The following SCN2A variants were observed in gnomAD, a reference collection of about 807,000 sequenced individuals.
The protein encoded by SCN2A is sodium channel protein type 2 subunit alpha.
Under a neutral mutation model 188.7 loss-of-function variants are expected in SCN2A, and 20 were observed. The observed-to-expected ratio is 0.11, with a 90% CI of 0.07 to 0.15. The LOEUF is 0.15. Ranked by LOEUF, SCN2A falls within the 10% of genes least tolerant of loss-of-function variation. SCN2A has a pLI of 1.00. For missense variants in SCN2A, 1,278 were observed against 2,445.0 expected (o/e 0.52, Z 10.07); for synonymous variants, 804 against 833.1 (o/e 0.97, Z 0.60).
At chr2:165,351,887 T>A (rs1006793456) in intron 16 of SCN2A, among the ~76,000 whole-genome samples, 9 of 151,346 alleles carry the variant, frequency 5.9e-5, no homozygotes, top group Non-Finnish European at 1.2e-4. Flanking sequence ...TTTTTTTTTT[T>A]AAAGAATCCA....
At chr2:165,310,203 C>T in intron 6 of SCN2A, 120 bp from the exon 7 acceptor site, 2 of 1,078,798 alleles carry the variant, frequency 1.9e-6, no homozygotes, top group Non-Finnish European at 2.9e-6. Flanking sequence ...AAACATTAAA[C>T]TAATATTGTT....
chr2:165,327,109 A>G, intron 13 of SCN2A, 125 bp downstream of exon 13: 1 of 1,255,308 alleles, frequency 8.0e-7, no homozygotes, highest in Admixed American at 1.8e-5. Context: ...TTACTAAATA[A>G]CAGTAAAATC....
At chr2:165,311,084 A>C (rs2105249025) in intron 7 of SCN2A, among the ~76,000 whole-genome samples, 1 of 152,220 alleles carries the variant, frequency 6.6e-6, no homozygotes, top group Non-Finnish European at 1.5e-5. Flanking sequence ...CAGAAGGTTA[A>C]GTAACCCTGA....
At chr2:165,245,212 T>C (rs1693791984) in intron 1 of SCN2A, 1 of 152,172 alleles carries the variant, frequency 6.6e-6, no homozygotes, top group South Asian at 2.1e-4. Flanking sequence ...GTAGTTCCCA[T>C]AATCTCCACG....
intron 13 of SCN2A, among the ~76,000 whole-genome samples, chr2:165,329,486 T>C (rs1034522230): frequency 6.6e-6 from 1 of 152,170 alleles, no homozygotes; most frequent in Non-Finnish European, 1.5e-5. Context: ...CCCCCTTTTT[T>C]TTGGAATGAA....
Position 165,354,203 on chromosome 2 carries a change from C to G in SCN2A, c.2931C>G (p.Leu977=). The G allele has an allele frequency of 6.2e-7, 1 of 1,613,806 alleles. No individual in the cohort carries two copies. The highest frequency in any genetic ancestry group is 8.5e-7 in the Non-Finnish European group (1 of 1,179,978). ...CTGCTGTGTTTCAGGTTCTGAACCT[C>G]TTCTTGGCCTTGCTTTTGAGTTCCT... ...MVIGNLVVLN[L]FLALLLSSFS... The change falls in exon 17 of 27, where the codon CTC becomes CTG. Residue 977 remains leucine (L), a synonymous_variant. Coordinates refer to ENST00000375437, the MANE Select transcript of SCN2A (RefSeq NM_001040142.2).
chr2:165,342,217 G>T, intron 14 of SCN2A, 79 bp from the exon 15 acceptor site: 1 of 1,313,698 alleles, frequency 7.6e-7, no homozygotes, highest in Non-Finnish European at 1.1e-6. Flanking sequence ...TATATTTGTT[G>T]GGAGTAAATT....
chr2:165,387,668 TTATG>T (rs1470315857), intron 26 of SCN2A, among the ~76,000 whole-genome samples: 12 of 152,172 alleles, frequency 7.9e-5, no homozygotes, highest in Admixed American at 6.5e-4. Context: ...TATACAGTGT[TTATG>T]TATAAGATAT....
At chr2:165,273,676 C>A (rs1695200678) in intron 1 of SCN2A, 1 of 151,998 alleles carries the variant, frequency 6.6e-6, no homozygotes, top group Non-Finnish European at 1.5e-5. Context: ...TTGAACTTTT[C>A]AAAAAATGTA....
At chr2:165,311,948 C>A in intron 7 of SCN2A, 77 bp from the exon 8 acceptor site, 1 of 924,836 alleles carries the variant, frequency 1.1e-6, no homozygotes, top group Non-Finnish European at 1.8e-6. Flanking sequence ...CATTTGTGAG[C>A]TTTGCCACCT....
intron 3 of SCN2A, among the ~76,000 whole-genome samples, chr2:165,307,128 C>A (rs1697179970): frequency 6.6e-6 from 1 of 151,982 alleles, no homozygotes; most frequent in South Asian, 2.1e-4. Flanking sequence ...TCTGTATGAT[C>A]CAGGAAGCAA....
At chr2:165,273,579 C>G (rs990845964) in intron 1 of SCN2A, 7 of 152,208 alleles carry the variant, frequency 4.6e-5, no homozygotes, top group Middle Eastern at 3.4e-3. Flanking sequence ...AAACCATTCT[C>G]TCTCTCTCCC....
In SCN2A at chr2:165,329,606, T is replaced by TG. The variant is rs1191679001; in HGVS notation, c.2150-1724_2150-1723insG. On this transcript the variant is annotated intron_variant, in intron 13 of 26. Coordinates refer to ENST00000375437, the MANE Select transcript of SCN2A (RefSeq NM_001040142.2). ...ATTTTTTAAACTTTTCTCCAGTTTA[T>TG]TTTTTTTCTATCCAGTTCCTGTTTG... Among the ~76,000 whole-genome samples the TG allele has an allele frequency of 2.0e-5, 3 of 152,218 alleles. No individual in the cohort carries two copies. In the South Asian group the frequency reaches 6.2e-4, roughly 32 times the overall value.
chr2:165,340,038 G>A (rs1699223996), intron 14 of SCN2A, among the ~76,000 whole-genome samples: 1 of 152,110 alleles, frequency 6.6e-6, no homozygotes, highest in Non-Finnish European at 1.5e-5. Context: ...AAAGGAAATA[G>A]AAGAAAGGAA....
chr2:165,252,870 G>C (rs1425268735), intron 1 of SCN2A, among the ~76,000 whole-genome samples: 1 of 151,960 alleles, frequency 6.6e-6, no homozygotes, highest in Non-Finnish European at 1.5e-5. Context: ...GGGGGGGTGT[G>C]GCTGCTTCAT....
At chr2:165,252,861 G>C (rs924014737) in intron 1 of SCN2A, among the ~76,000 whole-genome samples, 2 of 151,970 alleles carry the variant, frequency 1.3e-5, no homozygotes, top group East Asian at 1.9e-4. Context: ...GTAAGGGGAG[G>C]GGGGGTGTGG....
In SCN2A at chr2:165,312,099, C is replaced by T; in HGVS notation, c.1034+11C>T. On this transcript the variant is annotated intron_variant, in intron 8 of 26. Coordinates refer to ENST00000375437, the MANE Select transcript of SCN2A (RefSeq NM_001040142.2). ...CAGCTCAGATGCAGGGTAAGTGATG[C>T]TTCCTACTGAGTTTCAGTCCACACT... 1 of 1,607,894 alleles carries T rather than the reference C, an allele frequency of 6.2e-7. No homozygotes were observed. The highest frequency in any genetic ancestry group is 8.5e-7 in the Non-Finnish European group (1 of 1,175,126).
intron 15 of SCN2A, 23 bp downstream of exon 15, chr2:165,342,492 T>C (rs373902981): frequency 2.0e-5 from 32 of 1,612,030 alleles, no homozygotes; most frequent in East Asian, 2.2e-5. Context: ...GGAGTGTTCA[T>C]AAAATGTACT....
intron 25 of SCN2A, 95 bp from the exon 26 acceptor site, chr2:165,386,651 A>T: frequency 7.8e-7 from 1 of 1,286,726 alleles, no homozygotes; most frequent in Non-Finnish European, 1.1e-6. Context: ...GTTTTTATAA[A>T]AGCTACATTT....
Sources: allele counts gnomAD v4.1 joint callset (sites outside exome capture counted in the v4.1 genomes callset), GRCh38; gene constraint gnomAD v4.1.1; transcripts MANE v1.5; gene names NCBI Gene and HGNC (gene_info 2026-07-23, HGNC 2026-07-21).